TBCEL: variants seen among roughly 807,000 people sequenced by gnomAD.
The protein encoded by TBCEL is tubulin-specific chaperone cofactor E-like protein.
TBCEL carries 15 observed loss-of-function variants against 44.2 expected under a neutral mutation model. The observed-to-expected ratio is 0.34, with a 90% confidence interval of 0.23 to 0.52. TBCEL has a LOEUF of 0.52. Among genes scored for constraint, TBCEL ranks in the 20% least tolerant of loss-of-function variants. The pLI is 0.95. For synonymous variants in TBCEL, 171 were observed against 185.4 expected, an observed-to-expected ratio of 0.92 and a Z score of 0.63; for missense variants, 319 against 506.3, an observed-to-expected ratio of 0.63 and a Z score of 3.55.
chr11:121,025,744 C>T (rs1238100119), intron 1 of TBCEL, among the ~76,000 whole-genome samples: 3 of 148,166 alleles, frequency 2.0e-5, no homozygotes, highest in South Asian at 4.3e-4. Context: ...TTATTTTGGC[C>T]GGGGGAGAGG....
chr11:121,027,849 A>G (rs771791907), intron 1 of TBCEL, among the ~76,000 whole-genome samples: 3 of 152,222 alleles, frequency 2.0e-5, no homozygotes, highest in Non-Finnish European at 4.4e-5. Flanking sequence ...GACATCTAGC[A>G]CAGGGTCTAC....
intron 8 of TBCEL, among the ~76,000 whole-genome samples, chr11:121,063,168 A>G (rs942305361): frequency 1.3e-5 from 2 of 152,092 alleles, no homozygotes; most frequent in Non-Finnish European, 2.9e-5. Context: ...ACCCCATCTC[A>G]AGATATAGGG....
At chr11:121,041,744 G>T (rs545647903) in intron 2 of TBCEL, among the ~76,000 whole-genome samples, 1 of 150,636 alleles carries the variant, frequency 6.6e-6, no homozygotes, top group East Asian at 2.0e-4. Flanking sequence ...TCCTCAAACT[G>T]CCCCAACAGA....
intron 4 of TBCEL, 38 bp downstream of exon 4, chr11:121,047,705 G>C (rs751189051): frequency 6.2e-7 from 1 of 1,606,342 alleles, no homozygotes; most frequent in Non-Finnish European, 8.5e-7. Flanking sequence ...GTGAAAAGCA[G>C]CAATAACCAT....
intron 8 of TBCEL, among the ~76,000 whole-genome samples, chr11:121,076,653 T>C (rs1946039237): frequency 6.6e-6 from 1 of 152,002 alleles, no homozygotes; most frequent in South Asian, 2.1e-4. Context: ...ACATTTTTGT[T>C]GTTTTTTGGA....
intron 1 of TBCEL, among the ~76,000 whole-genome samples, chr11:121,027,764 G>A (rs1470129684): frequency 6.6e-6 from 1 of 151,962 alleles, no homozygotes; most frequent in Non-Finnish European, 1.5e-5. Context: ...TGTATTATTT[G>A]TGCACCTTAT....
intron 8 of TBCEL, among the ~76,000 whole-genome samples, chr11:121,078,542 T>C (rs1230553470): frequency 6.6e-6 from 1 of 152,208 alleles, no homozygotes; most frequent in Admixed American, 6.5e-5. Flanking sequence ...TTTTTATTCC[T>C]TTACTTATTA....
At chr11:121,025,322 G>T (rs1317507607) in intron 1 of TBCEL, among the ~76,000 whole-genome samples, 2 of 152,010 alleles carry the variant, frequency 1.3e-5, no homozygotes, top group Admixed American at 1.3e-4. Context: ...GTATGAATAG[G>T]TGCTGAGGAC....
chr11:121,074,152 T>C (rs755158906), intron 8 of TBCEL, among the ~76,000 whole-genome samples: 2 of 151,996 alleles, frequency 1.3e-5, no homozygotes, highest in African/African-American at 2.4e-5. Flanking sequence ...GGTAGGTGTT[T>C]TAATTTTTGA....
At chr11:121,060,593 G>T (rs1945704212) in intron 8 of TBCEL, among the ~76,000 whole-genome samples, 1 of 151,868 alleles carries the variant, frequency 6.6e-6, no homozygotes, top group African/African-American at 2.4e-5. Flanking sequence ...AATGCTGAGG[G>T]CTAAATTAGT....
intron 8 of TBCEL, among the ~76,000 whole-genome samples, chr11:121,066,467 G>T (rs1365731317): frequency 6.6e-6 from 1 of 152,156 alleles, no homozygotes; most frequent in Non-Finnish European, 1.5e-5. Context: ...AATCAGAAGG[G>T]CATTCAGATG....
intron 8 of TBCEL, among the ~76,000 whole-genome samples, chr11:121,084,518 G>T (rs189050697): frequency 2.0e-5 from 3 of 151,938 alleles, no homozygotes; most frequent in Non-Finnish European, 4.4e-5. Flanking sequence ...TGTGATATGC[G>T]CTCAGTTGCC....
chr11:121,072,846 T>C (rs1451916675), intron 8 of TBCEL, among the ~76,000 whole-genome samples: 1 of 152,182 alleles, frequency 6.6e-6, no homozygotes, highest in Non-Finnish European at 1.5e-5. Context: ...TATTTATGAC[T>C]TAAATCTACC....
In TBCEL at chr11:121,088,841, A is replaced by C. The variant is rs1408772005; in HGVS notation, c.*1745A>C. ...GAGTCAAATCTACATTCAGTGTAAC[A>C]TTAAAGGTGGAAACCAAAGGGTTTG... On this transcript the variant is annotated 3_prime_UTR_variant, in exon 9 of 9. Transcript: ENST00000683345. 1 of 152,198 alleles carries C rather than the reference A, an allele frequency of 6.6e-6. No homozygotes were observed. The highest frequency in any genetic ancestry group is 1.5e-5 in the Non-Finnish European group (1 of 68,016). 9.4% of individuals were successfully genotyped at this position (152,198 alleles called of 1,614,324 possible). A position where few individuals can be genotyped will look rare whatever the true frequency, so the allele number is the denominator to read the frequency against.
chr11:121,083,636 T>C (rs1191534011), intron 8 of TBCEL, among the ~76,000 whole-genome samples: 1 of 152,240 alleles, frequency 6.6e-6, no homozygotes. Flanking sequence ...GGCTATAATG[T>C]CAAGTATAAA....
chr11:121,090,492 C>T lies in TBCEL; in HGVS notation c.*3396C>T, dbSNP rs1389421510. ...ATTGAAAATGCAAACAAACTGCTCTCAAGAACACCCAGAAGCTATCTGTGT... is the reference window on the plus strand; with the variant it reads ...ATTGAAAATGCAAACAAACTGCTCTTAAGAACACCCAGAAGCTATCTGTGT... On this transcript the variant is annotated 3_prime_UTR_variant, in exon 9 of 9. Transcript: ENST00000683345. 6.6e-6 allele frequency: 1 copy of T among 152,040 alleles called. No homozygotes were observed. Among genetic ancestry groups the T allele is most frequent in the Non-Finnish European group, 1.5e-5 (1 of 67,996 alleles). 9.4% of individuals were successfully genotyped at this position (152,040 alleles called of 1,614,324 possible).
intron 7 of TBCEL, among the ~76,000 whole-genome samples, chr11:121,059,336 T>C (rs1945677966): frequency 6.6e-6 from 1 of 151,986 alleles, no homozygotes; most frequent in African/African-American, 2.4e-5. Flanking sequence ...ACAATTCTTT[T>C]GCAAATATAA....
chr11:121,043,177 G>A (rs1430416120), intron 2 of TBCEL, among the ~76,000 whole-genome samples: 4 of 152,112 alleles, frequency 2.6e-5, no homozygotes, highest in African/African-American at 4.8e-5. Context: ...GCGTAAACCT[G>A]CCCTTCATCC....
At chr11:121,086,529 G>A (rs1946220222) in intron 8 of TBCEL, among the ~76,000 whole-genome samples, 1 of 151,996 alleles carries the variant, frequency 6.6e-6, no homozygotes, top group South Asian at 2.1e-4. Flanking sequence ...TTTTTCCTAA[G>A]CCTGTTCTTA....
Sources: allele counts gnomAD v4.1 joint callset (sites outside exome capture counted in the v4.1 genomes callset), GRCh38; gene constraint gnomAD v4.1.1; transcripts MANE v1.5; gene names NCBI Gene and HGNC (gene_info 2026-07-23, HGNC 2026-07-21).